ATP6V1H: variants seen among roughly 807,000 people sequenced by gnomAD.
The protein encoded by ATP6V1H is V-type proton ATPase subunit H.
In ATP6V1H, 39 loss-of-function variants were observed where a neutral mutation model predicts 71.7. The ratio of observed to expected loss-of-function variants is 0.54; its 90% CI spans 0.42 to 0.71. The LOEUF is 0.71. ATP6V1H is among the 30% of genes least tolerant of loss of function. The pLI, the probability that ATP6V1H is intolerant of heterozygous loss-of-function variation, is 0.00. For synonymous variants in ATP6V1H, 192 were observed against 199.3 expected, an observed-to-expected ratio of 0.96 and a Z score of 0.31; for missense variants, 509 against 594.9, an observed-to-expected ratio of 0.86 and a Z score of 1.50.
At chr8:53,824,829 A>T (rs1371262646) in intron 4 of ATP6V1H, among the ~76,000 whole-genome samples, 1 of 151,980 alleles carries the variant, frequency 6.6e-6, no homozygotes, top group African/African-American at 2.4e-5. Context: ...AGAAAATTAT[A>T]AAATTTTAAT....
chr8:53,729,374 G>A (rs963912884), intron 13 of ATP6V1H, among the ~76,000 whole-genome samples: 1 of 152,184 alleles, frequency 6.6e-6, no homozygotes, highest in Non-Finnish European at 1.5e-5. Flanking sequence ...GCTATATGAA[G>A]CAGATTTATT....
At chr8:53,728,226 G>A (rs1806886788) in intron 13 of ATP6V1H, among the ~76,000 whole-genome samples, 1 of 152,118 alleles carries the variant, frequency 6.6e-6, no homozygotes, top group Admixed American at 6.5e-5. Flanking sequence ...TACCTCAGCA[G>A]CCACATCTCT....
chr8:53,840,413 G>A (rs1390825173), intron 2 of ATP6V1H, among the ~76,000 whole-genome samples: 1 of 151,896 alleles, frequency 6.6e-6, no homozygotes, highest in Admixed American at 6.6e-5. Flanking sequence ...AAGGAGAACT[G>A]CTTGAACCCG....
chr8:53,777,673 C>G (rs1027885333), intron 9 of ATP6V1H, among the ~76,000 whole-genome samples: 5 of 152,188 alleles, frequency 3.3e-5, no homozygotes, highest in Admixed American at 1.3e-4. Flanking sequence ...TTTGCAGTCT[C>G]TGTCACAACT....
intron 11 of ATP6V1H, among the ~76,000 whole-genome samples, chr8:53,767,038 G>A (rs865858519): frequency 1.8e-4 from 27 of 152,102 alleles, no homozygotes; most frequent in African/African-American, 6.5e-4. Flanking sequence ...GTGGCTTGTG[G>A]GGCATCACGG....
Position 53,765,949 on chromosome 8 carries a change from C to T in ATP6V1H, c.1175+3669G>A, listed in dbSNP as rs190236657. 3.3e-4 allele frequency among the ~76,000 whole-genome samples: 51 copies of T among 152,288 alleles called. No homozygotes were observed. In the East Asian group the frequency reaches 3.9e-3, roughly 12 times the overall value. On this transcript the variant is annotated intron_variant, in intron 11 of 13. Transcript: ENST00000359530. ...TTGGTAAAAGAATAGACAAATAGAT[C>T]GCTGAAACAGAACAGAGAGCCCAGA...
intron 11 of ATP6V1H, among the ~76,000 whole-genome samples, chr8:53,760,169 A>C (rs375369678): frequency 1.8e-4 from 27 of 152,356 alleles, no homozygotes; most frequent in African/African-American, 6.5e-4. Context: ...GGTGATCAGC[A>C]GCTTCCCAAT....
intron 5 of ATP6V1H, among the ~76,000 whole-genome samples, chr8:53,815,797 C>T (rs1810429996): frequency 6.6e-6 from 1 of 152,176 alleles, no homozygotes; most frequent in African/African-American, 2.4e-5. Flanking sequence ...GCAGTGCATG[C>T]ACAAGACAAA....
At chr8:53,780,085 G>A (rs888814215) in intron 9 of ATP6V1H, among the ~76,000 whole-genome samples, 6 of 151,608 alleles carry the variant, frequency 4.0e-5, no homozygotes, top group Non-Finnish European at 7.4e-5. Context: ...CTTGAACACA[G>A]GAGGTAGAGG....
chr8:53,718,477 C>T (rs1252985922), intron 13 of ATP6V1H, among the ~76,000 whole-genome samples: 1 of 150,662 alleles, frequency 6.6e-6, no homozygotes, highest in Non-Finnish European at 1.5e-5. Context: ...CAGCCTTGAC[C>T]TCCCTGGGTT....
At position 53,743,683 on chromosome 8, in the gene ATP6V1H, C is replaced by T. The variant is rs374795820; in HGVS notation, c.1285G>A (p.Glu429Lys). Residue 429 changes from glutamate (E) to lysine (K), a missense_variant, in exon 13 of 14, where the codon GAG (glutamate) becomes AAG (lysine). Coordinates refer to ENST00000359530, the MANE Select transcript of ATP6V1H (RefSeq NM_015941.4). ...RHYPRGKRVI[E>K]QLGGKQLVMN... ...ACCAGCTGCTTCCCACCGAGCTGCT[C>T]GATGACCCTGCAAACGGGAGAGACG... 4.4e-6 allele frequency: 7 copies of T among 1,606,920 alleles called. No individual in the cohort carries two copies. The highest frequency in any genetic ancestry group is 2.7e-5 in the African/African-American group (2 of 74,912).
chr8:53,805,795 ATAC>A (rs1810059362), intron 7 of ATP6V1H, among the ~76,000 whole-genome samples: 2 of 152,336 alleles, frequency 1.3e-5, no homozygotes, highest in South Asian at 2.1e-4. Context: ...ATATAATGAA[ATAC>A]TACATTGCAA....
chr8:53,800,408 T>A (rs1238807830), intron 8 of ATP6V1H, among the ~76,000 whole-genome samples: 2 of 152,212 alleles, frequency 1.3e-5, no homozygotes, highest in Non-Finnish European at 2.9e-5. Context: ...CAGAGGAAAG[T>A]GTTTCACAAT....
chr8:53,756,414 A>G, intron 12 of ATP6V1H, 141 bp downstream of exon 12: 1 of 626,944 alleles, frequency 1.6e-6, no homozygotes. Context: ...GTTTATCATA[A>G]TTCTCACTAT....
intron 11 of ATP6V1H, among the ~76,000 whole-genome samples, chr8:53,757,964 C>T (rs969000502): frequency 3.3e-5 from 5 of 152,190 alleles, no homozygotes; most frequent in Non-Finnish European, 1.5e-5. Flanking sequence ...TAAGGTATGC[C>T]TAGGCACCGG....
chr8:53,770,022 T>C (rs1215436367), intron 10 of ATP6V1H, among the ~76,000 whole-genome samples: 1 of 152,162 alleles, frequency 6.6e-6, no homozygotes, highest in Non-Finnish European at 1.5e-5. Flanking sequence ...CTTACTCCAA[T>C]ATATACATGA....
chr8:53,767,211 T>A (rs1194445592), intron 11 of ATP6V1H, among the ~76,000 whole-genome samples: 1 of 152,220 alleles, frequency 6.6e-6, no homozygotes, highest in African/African-American at 2.4e-5. Flanking sequence ...ATGCAAACTA[T>A]GTATGAATTT....
chr8:53,837,742 G>A (rs990441949), intron 2 of ATP6V1H, among the ~76,000 whole-genome samples: 1 of 152,152 alleles, frequency 6.6e-6, no homozygotes, highest in African/African-American at 2.4e-5. Context: ...GTGAAGAATT[G>A]CTCCTACTGA....
chr8:53,725,618 C>T (rs1004291359), intron 13 of ATP6V1H, among the ~76,000 whole-genome samples: 2 of 149,576 alleles, frequency 1.3e-5, no homozygotes, highest in Non-Finnish European at 3.0e-5. Context: ...CAGGCCAGAA[C>T]CAACAAAATA....
Sources: gnomAD v4.1 joint callset for allele counts (sites outside exome capture counted in the v4.1 genomes callset) on GRCh38, gnomAD v4.1.1 for gene constraint, MANE v1.5 for transcripts, NCBI Gene and HGNC (gene_info 2026-07-23, HGNC 2026-07-21) for gene names.